WDPCP: variants seen among roughly 807,000 people sequenced by gnomAD.
WDPCP encodes the protein WD repeat containing planar cell polarity effector, also known as WD repeat-containing and planar cell polarity effector protein fritz homolog.
A neutral mutation model predicts 93.1 loss-of-function variants in WDPCP; 71 were observed. The ratio of observed to expected loss-of-function variants is 0.76; its 90% CI spans 0.63 to 0.93. The LOEUF (loss-of-function observed/expected upper bound fraction) is 0.93, where lower values mean the gene tolerates loss of function less well. WDPCP is among the 40% of genes least tolerant of loss of function. WDPCP has a pLI of 0.00. For synonymous variants in WDPCP, 315 were observed against 315.0 expected (o/e 1.00, Z 0.00); for missense variants, 844 against 887.4 (o/e 0.95, Z 0.62).
chr2:63,400,238 A>T (rs1694043261), intron 10 of WDPCP, among the ~76,000 whole-genome samples: 1 of 152,228 alleles, frequency 6.6e-6, no homozygotes, highest in South Asian at 2.1e-4. Context: ...GTGAATCATC[A>T]TAATAACATT....
chr2:63,721,449 T>C (rs1171296195), intron 2 of WDPCP, among the ~76,000 whole-genome samples: 1 of 152,178 alleles, frequency 6.6e-6, no homozygotes, highest in Non-Finnish European at 1.5e-5. Flanking sequence ...TCTTTCCCAC[T>C]TGGACAACTG....
At chr2:63,679,666 T>A (rs537506701) in intron 2 of WDPCP, among the ~76,000 whole-genome samples, 1 of 152,298 alleles carries the variant, frequency 6.6e-6, no homozygotes, top group Admixed American at 6.5e-5. Context: ...AGCATTTCTT[T>A]GCAGCTTCCA....
intron 2 of WDPCP, among the ~76,000 whole-genome samples, chr2:63,683,443 G>C (rs1312223354): frequency 2.0e-5 from 3 of 152,100 alleles, no homozygotes; most frequent in Non-Finnish European, 4.4e-5. Context: ...AGCAGGAATA[G>C]CTATATCAGA....
chr2:63,643,274 TTC>T (rs1710003479), intron 3 of WDPCP: 2 of 351,894 alleles, frequency 5.7e-6, no homozygotes, highest in African/African-American at 4.4e-5. Context: ...TTTCACCCAC[TTC>T]TCTGTTTGGC....
At chr2:63,403,111 T>C (rs533857763) in intron 10 of WDPCP, among the ~76,000 whole-genome samples, 101 of 152,220 alleles carry the variant, frequency 6.6e-4, no homozygotes, top group Non-Finnish European at 1.2e-3. Flanking sequence ...AACAAGATAA[T>C]GTTTTTTGCA....
At chr2:63,823,276 G>C (rs556117357) in intron 1 of WDPCP, among the ~76,000 whole-genome samples, 1 of 151,600 alleles carries the variant, frequency 6.6e-6, no homozygotes, top group African/African-American at 2.4e-5. Flanking sequence ...GGGAGGCCAA[G>C]GTGGACAGAT....
At chr2:63,424,530 T>C (rs1238797279) in intron 9 of WDPCP, among the ~76,000 whole-genome samples, 7 of 152,182 alleles carry the variant, frequency 4.6e-5, no homozygotes, top group African/African-American at 1.7e-4. Flanking sequence ...GCTTTGCTGG[T>C]GGCCTTGGAG....
intron 17 of WDPCP, among the ~76,000 whole-genome samples, chr2:63,133,806 A>C (rs1670443880): frequency 6.6e-6 from 1 of 152,224 alleles, no homozygotes; most frequent in South Asian, 2.1e-4. Flanking sequence ...AGGTGGAATT[A>C]GGAACTGCCA....
chr2:63,130,222 C>T (rs1670203006), intron 17 of WDPCP, among the ~76,000 whole-genome samples: 1 of 152,084 alleles, frequency 6.6e-6, no homozygotes, highest in Non-Finnish European at 1.5e-5. Context: ...CCTACGTTTT[C>T]TCCAAGAGAA....
At chr2:63,235,663 C>CT (rs1574949649) in intron 14 of WDPCP, among the ~76,000 whole-genome samples, 1 of 152,096 alleles carries the variant, frequency 6.6e-6, no homozygotes, top group East Asian at 1.9e-4. Flanking sequence ...ATCAAGCAGG[C>CT]TTTATTTCTG....
chr2:63,178,759 G>C (rs966746855), intron 14 of WDPCP, among the ~76,000 whole-genome samples: 1 of 151,730 alleles, frequency 6.6e-6, no homozygotes, highest in African/African-American at 2.4e-5. Flanking sequence ...GGTTTAGTTT[G>C]TTTTTCTTTC....
intron 14 of WDPCP, among the ~76,000 whole-genome samples, chr2:63,206,195 C>T (rs1676322860): frequency 6.6e-6 from 1 of 152,106 alleles, no homozygotes; most frequent in African/African-American, 2.4e-5. Flanking sequence ...GATGAACGCT[C>T]TTTTTAATGT....
In WDPCP at chr2:63,771,880, AT is replaced by A. The variant is rs201941254; in HGVS notation, n.308+41741del. 1.3e-3 allele frequency among the ~76,000 whole-genome samples: 200 copies of A among 151,832 alleles called. 3 individuals are homozygous for A. In the East Asian group the frequency reaches 0.033, roughly 25 times the overall value. On this transcript the variant is annotated intron_variant and non_coding_transcript_variant, in intron 2 of 4. Transcript: ENST00000467687. ...TTGCTACAAAGGACTTACTTTTGATATTTTTTTAATGGCTGCATAGTATTCC... is the reference window on the plus strand; with the variant it reads ...TTGCTACAAAGGACTTACTTTTGATATTTTTTAATGGCTGCATAGTATTCC...
chr2:63,771,880 A>T (rs908183525), intron 2 of WDPCP, among the ~76,000 whole-genome samples: 2 of 151,716 alleles, frequency 1.3e-5, no homozygotes. Context: ...TACTTTTGAT[A>T]TTTTTTTAAT....
intron 17 of WDPCP, among the ~76,000 whole-genome samples, chr2:63,139,467 A>G (rs1670902216): frequency 6.6e-6 from 1 of 152,174 alleles, no homozygotes; most frequent in Non-Finnish European, 1.5e-5. Context: ...CCTGTTCACC[A>G]CATCCACGCC....
At chr2:63,286,609 C>G (rs990498554) in intron 13 of WDPCP, among the ~76,000 whole-genome samples, 1 of 152,208 alleles carries the variant, frequency 6.6e-6, no homozygotes, top group Non-Finnish European at 1.5e-5. Flanking sequence ...GTGAAATAAA[C>G]AGCCCTGTTG....
chr2:63,679,823 G>T (rs1471753658), intron 2 of WDPCP, among the ~76,000 whole-genome samples: 1 of 152,086 alleles, frequency 6.6e-6, no homozygotes, highest in Non-Finnish European at 1.5e-5. Flanking sequence ...AGCCCTCTAT[G>T]GAAAGATATC....
At chr2:63,594,996 T>G in intron 3 of WDPCP, 1 of 266,714 alleles carries the variant, frequency 3.7e-6, no homozygotes, top group Non-Finnish European at 7.2e-6. Context: ...CAAGCCTGAT[T>G]AATATACACT....
At chr2:63,646,242 C>G (rs1207409884) in intron 3 of WDPCP, among the ~76,000 whole-genome samples, 1 of 152,044 alleles carries the variant, frequency 6.6e-6, no homozygotes, top group African/African-American at 2.4e-5. Flanking sequence ...AAGCTGATAA[C>G]AACTCTGCAT....
Sources: allele counts gnomAD v4.1 joint callset (sites outside exome capture counted in the v4.1 genomes callset), GRCh38; gene constraint gnomAD v4.1.1; transcripts MANE v1.5; gene names NCBI Gene and HGNC (gene_info 2026-07-23, HGNC 2026-07-21).